The following RANBP2 variants were observed in gnomAD, a reference collection of about 807,000 sequenced individuals.
RANBP2 encodes RAN binding protein 2, also known as E3 SUMO-protein ligase RanBP2.
In RANBP2, 57 loss-of-function variants were observed where a neutral mutation model predicts 303.6. The observed-to-expected ratio is 0.19, with a 90% CI of 0.15 to 0.23. The LOEUF (loss-of-function observed/expected upper bound fraction) is 0.23, where lower values mean the gene tolerates loss of function less well. Ranked by LOEUF, RANBP2 falls within the 10% of genes least tolerant of loss-of-function variation. The pLI is 1.00. For missense variants in RANBP2, 3,138 were observed against 3,780.8 expected, an observed-to-expected ratio of 0.83 and a Z score of 4.46; for synonymous variants, 1,167 against 1,301.5, an observed-to-expected ratio of 0.90 and a Z score of 2.23.
chr2:109,707,022 G>A, the RANBP2 span, among the ~76,000 whole-genome samples: 2 of 152,226 alleles, frequency 1.3e-5, no homozygotes, highest in Non-Finnish European at 2.9e-5. Flanking sequence ...ACTGCCAGGA[G>A]AGAGAGGGCT....
the RANBP2 span, chr2:108,876,116 A>G: frequency 1.9e-6 from 3 of 1,602,528 alleles, no homozygotes; most frequent in Non-Finnish European, 2.6e-6. Flanking sequence ...TGAACTTTTT[A>G]CGATTCATCT....
chr2:108,891,611 C>G, the RANBP2 span, among the ~76,000 whole-genome samples: 4 of 152,202 alleles, frequency 2.6e-5, no homozygotes, highest in Non-Finnish European at 5.9e-5. Flanking sequence ...GCTGGCATCT[C>G]TGTTGGCAGT....
At chr2:109,130,973 T>A in the RANBP2 span, among the ~76,000 whole-genome samples, 1 of 152,108 alleles carries the variant, frequency 6.6e-6, no homozygotes, top group Non-Finnish European at 1.5e-5. Context: ...GACCCGGGTT[T>A]TGTTAATTTC....
the RANBP2 span, among the ~76,000 whole-genome samples, chr2:109,176,411 C>A: frequency 6.6e-6 from 1 of 152,024 alleles, no homozygotes; most frequent in East Asian, 1.9e-4. Flanking sequence ...TTTTAGGAGC[C>A]CAATAGTTGC....
chr2:109,420,416 G>C, the RANBP2 span, among the ~76,000 whole-genome samples: 1 of 152,076 alleles, frequency 6.6e-6, no homozygotes, highest in African/African-American at 2.4e-5. Flanking sequence ...TACAGAACAG[G>C]ATTTTTTGTT....
the RANBP2 span, among the ~76,000 whole-genome samples, chr2:109,275,577 G>A: frequency 2.6e-5 from 4 of 152,200 alleles, no homozygotes; most frequent in Non-Finnish European, 5.9e-5. Context: ...GCACTCAAAA[G>A]AGTGCCCCGC....
the RANBP2 span, among the ~76,000 whole-genome samples, chr2:109,410,594 C>T: frequency 2.6e-5 from 4 of 152,182 alleles, no homozygotes; most frequent in Admixed American, 6.5e-5. Flanking sequence ...GCATCCTGCC[C>T]GAGGGAGGGA....
chr2:109,201,585 G>A, the RANBP2 span, among the ~76,000 whole-genome samples: 1 of 152,188 alleles, frequency 6.6e-6, no homozygotes, highest in South Asian at 2.1e-4. Context: ...TGAGGTCTCT[G>A]AAAGTGTGAT....
At chr2:109,090,727 A>C in the RANBP2 span, among the ~76,000 whole-genome samples, 1 of 151,944 alleles carries the variant, frequency 6.6e-6, no homozygotes. Flanking sequence ...TCTTCAGTGA[A>C]TTTCTTCAGG....
chr2:109,478,139 T>C, the RANBP2 span, among the ~76,000 whole-genome samples: 1 of 152,212 alleles, frequency 6.6e-6, no homozygotes, highest in African/African-American at 2.4e-5. Context: ...AGCTGCCTGA[T>C]TGGAGGCCGC....
At chr2:109,209,823 A>G in the RANBP2 span, among the ~76,000 whole-genome samples, 2 of 152,284 alleles carry the variant, frequency 1.3e-5, no homozygotes, top group African/African-American at 4.8e-5. Flanking sequence ...TCCAAGATTT[A>G]TTATTGTGAC....
the RANBP2 span, among the ~76,000 whole-genome samples, chr2:108,894,174 A>C: frequency 1.3e-5 from 2 of 152,084 alleles, no homozygotes; most frequent in African/African-American, 4.8e-5. Flanking sequence ...TTTTAAGACA[A>C]GACAGTTTGT....
At chr2:108,907,783 C>G in the RANBP2 span, 25 of 1,561,252 alleles carry the variant, frequency 1.6e-5, no homozygotes, top group Non-Finnish European at 2.2e-5. Context: ...AGAGCTGATT[C>G]AATAAGAAAG....
the RANBP2 span, among the ~76,000 whole-genome samples, chr2:109,026,714 G>A: frequency 1.3e-5 from 2 of 152,332 alleles, no homozygotes; most frequent in African/African-American, 4.8e-5. Flanking sequence ...AGAAACAGCT[G>A]CTCCTCTCAG....
the RANBP2 span, among the ~76,000 whole-genome samples, chr2:109,720,600 G>A: frequency 6.6e-6 from 1 of 152,150 alleles, no homozygotes; most frequent in Non-Finnish European, 1.5e-5. Flanking sequence ...TGAAGTGCAG[G>A]TCTGTAAGAA....
the RANBP2 span, chr2:109,585,362 G>T: frequency 6.8e-7 from 1 of 1,476,226 alleles, no homozygotes; most frequent in Non-Finnish European, 9.2e-7. Flanking sequence ...TGCATGAATG[G>T]CTGAAAAGAA....
chr2:109,472,193 G>C, the RANBP2 span, among the ~76,000 whole-genome samples: 1 of 152,226 alleles, frequency 6.6e-6, no homozygotes. Context: ...GCAGTCCCCA[G>C]TTAAAAATTA....
the RANBP2 span, among the ~76,000 whole-genome samples, chr2:109,393,495 GA>G: frequency 2.6e-5 from 4 of 152,324 alleles, no homozygotes; most frequent in Admixed American, 2.0e-4. Context: ...AACTCTTTCA[GA>G]GCAGGTCTTT....
the RANBP2 span, among the ~76,000 whole-genome samples, chr2:109,104,523 G>T: frequency 6.7e-6 from 1 of 149,762 alleles, no homozygotes; most frequent in Non-Finnish European, 1.5e-5. Flanking sequence ...TCGCTCTGTC[G>T]CCCAGGCTGG....
Sources: allele counts gnomAD v4.1 joint callset (sites outside exome capture counted in the v4.1 genomes callset), GRCh38; gene constraint gnomAD v4.1.1; transcripts MANE v1.5; gene names NCBI Gene and HGNC (gene_info 2026-07-23, HGNC 2026-07-21).